HPSE2: variants seen among roughly 807,000 people sequenced by gnomAD.
The protein encoded by HPSE2 is heparanase 2 (inactive).
In HPSE2, 38 loss-of-function variants were observed where a neutral mutation model predicts 60.5. That is an observed-to-expected ratio of 0.63 (90% CI 0.48 to 0.82). The LOEUF is 0.82. Among genes scored for constraint, HPSE2 ranks in the 40% least tolerant of loss-of-function variants. The pLI, the probability that HPSE2 is intolerant of heterozygous loss-of-function variation, is 0.00. For missense variants in HPSE2, 713 were observed against 740.4 expected (o/e 0.96, Z 0.43); for synonymous variants, 295 against 293.2 (o/e 1.01, Z -0.06).
chr10:98,900,054 A>G (rs1000803990), intron 3 of HPSE2, among the ~76,000 whole-genome samples: 3 of 152,144 alleles, frequency 2.0e-5, no homozygotes, highest in Non-Finnish European at 2.9e-5. Flanking sequence ...ACACTTGCCA[A>G]TTGTGATTCA....
the HPSE2 span, among the ~76,000 whole-genome samples, chr10:99,287,012 G>A: frequency 2.0e-5 from 3 of 152,088 alleles, no homozygotes; most frequent in Non-Finnish European, 4.4e-5. Context: ...CTTGGGGATC[G>A]CTAAATACCT....
chr10:99,297,960 C>A, the HPSE2 span, among the ~76,000 whole-genome samples: 1 of 152,176 alleles, frequency 6.6e-6, no homozygotes, highest in Non-Finnish European at 1.5e-5. Flanking sequence ...GTATTATTTT[C>A]TTAATTGCCA....
chr10:98,685,058 C>A (rs996359563), intron 6 of HPSE2, among the ~76,000 whole-genome samples: 1 of 152,062 alleles, frequency 6.6e-6, no homozygotes, highest in African/African-American at 2.4e-5. Flanking sequence ...TAGGGAACAT[C>A]ATCTATCCTC....
At chr10:98,600,932 T>C (rs1945405124) in intron 9 of HPSE2, among the ~76,000 whole-genome samples, 1 of 71,038 alleles carries the variant, frequency 1.4e-5, no homozygotes, top group Non-Finnish European at 3.2e-5. Flanking sequence ...TATATATATA[T>C]ATATATATAG....
At chr10:99,264,090 T>C in the HPSE2 span, among the ~76,000 whole-genome samples, 2 of 151,778 alleles carry the variant, frequency 1.3e-5, no homozygotes, top group Admixed American at 6.6e-5. Context: ...TTTCTTTTTC[T>C]TTTTCTTTTT....
chr10:99,043,274 G>A (rs1184756820), intron 3 of HPSE2, among the ~76,000 whole-genome samples: 2 of 152,132 alleles, frequency 1.3e-5, no homozygotes, highest in East Asian at 3.9e-4. Flanking sequence ...CATGAGGTCA[G>A]GAGATCGAGA....
intron 2 of HPSE2, among the ~76,000 whole-genome samples, chr10:99,209,746 G>C (rs952059920): frequency 6.6e-6 from 1 of 152,210 alleles, no homozygotes; most frequent in African/African-American, 2.4e-5. Context: ...CTGGAGTGCA[G>C]TGGCATGATC....
At chr10:98,708,123 G>A (rs1432549231) in intron 5 of HPSE2, among the ~76,000 whole-genome samples, 1 of 152,032 alleles carries the variant, frequency 6.6e-6, no homozygotes, top group African/African-American at 2.4e-5. Context: ...TTCTGTATAA[G>A]AAATCAAAAT....
At chr10:98,894,779 A>G (rs1429816392) in intron 3 of HPSE2, among the ~76,000 whole-genome samples, 2 of 152,118 alleles carry the variant, frequency 1.3e-5, no homozygotes, top group African/African-American at 4.8e-5. Context: ...AGATTGAGGA[A>G]TAACAATGTT....
intron 3 of HPSE2, among the ~76,000 whole-genome samples, chr10:99,030,518 G>T (rs529090939): frequency 2.0e-5 from 3 of 152,322 alleles, no homozygotes; most frequent in African/African-American, 7.2e-5. Context: ...GCAGAGAAAA[G>T]GGAAACCTTG....
intron 3 of HPSE2, among the ~76,000 whole-genome samples, chr10:99,076,856 A>C (rs1445125038): frequency 6.6e-6 from 1 of 152,064 alleles, no homozygotes; most frequent in Non-Finnish European, 1.5e-5. Context: ...TTTTGTTTTC[A>C]CTTAAAGAAC....
intron 7 of HPSE2, among the ~76,000 whole-genome samples, chr10:98,627,311 A>C (rs1946244234): frequency 6.6e-6 from 1 of 152,120 alleles, no homozygotes; most frequent in African/African-American, 2.4e-5. Flanking sequence ...TTGTCTCAAA[A>C]AAGAAAAACA....
chr10:99,010,808 A>C (rs116489691), intron 3 of HPSE2, among the ~76,000 whole-genome samples: 1 of 152,198 alleles, frequency 6.6e-6, no homozygotes, highest in Non-Finnish European at 1.5e-5. Context: ...TTGAGGATGA[A>C]TATTAATTGC....
the HPSE2 span, among the ~76,000 whole-genome samples, chr10:99,240,979 T>A: frequency 1.3e-5 from 2 of 152,302 alleles, no homozygotes; most frequent in East Asian, 3.8e-4. Flanking sequence ...TATACCCAAC[T>A]ATGATGACTA....
At chr10:99,283,939 T>C in the HPSE2 span, among the ~76,000 whole-genome samples, 4 of 152,248 alleles carry the variant, frequency 2.6e-5, no homozygotes, top group South Asian at 6.2e-4. Context: ...TGATGAGTTC[T>C]ACCAATTCTG....
At chr10:99,292,156 G>T in the HPSE2 span, among the ~76,000 whole-genome samples, 1 of 152,160 alleles carries the variant, frequency 6.6e-6, no homozygotes, top group East Asian at 1.9e-4. Flanking sequence ...TATGAAGGGA[G>T]GGGAAGAAAG....
chr10:98,972,858 G>A (rs1471167312), intron 3 of HPSE2, among the ~76,000 whole-genome samples: 1 of 152,108 alleles, frequency 6.6e-6, no homozygotes, highest in African/African-American at 2.4e-5. Context: ...TCACGTTAAT[G>A]TAGTTCTTCT....
chr10:98,730,018 A>G (rs1281421510), intron 4 of HPSE2, among the ~76,000 whole-genome samples: 2 of 152,172 alleles, frequency 1.3e-5, no homozygotes, highest in Non-Finnish European at 2.9e-5. Flanking sequence ...TCTACAGAAT[A>G]TTCCACCCAA....
intron 3 of HPSE2, among the ~76,000 whole-genome samples, chr10:98,833,332 T>G (rs904393980): frequency 6.6e-6 from 1 of 152,126 alleles, no homozygotes; most frequent in African/African-American, 2.4e-5. Flanking sequence ...CACTAAAGGA[T>G]TGGTTTAGAG....
Sources: gnomAD v4.1 joint callset for allele counts (sites outside exome capture counted in the v4.1 genomes callset) on GRCh38, gnomAD v4.1.1 for gene constraint, MANE v1.5 for transcripts, NCBI Gene and HGNC (gene_info 2026-07-23, HGNC 2026-07-21) for gene names.